The following DGKB variants were observed in gnomAD, a reference collection of about 807,000 sequenced individuals.
The protein encoded by DGKB is diacylglycerol kinase beta, also known as 90 kDa diacylglycerol kinase.
Under a neutral mutation model 114.3 loss-of-function variants are expected in DGKB, and 67 were observed. The ratio of observed to expected loss-of-function variants is 0.59; its 90% CI spans 0.48 to 0.72. The LOEUF is 0.72. Ranked by LOEUF, DGKB falls within the 30% of genes least tolerant of loss-of-function variation. The pLI, the probability that DGKB is intolerant of heterozygous loss-of-function variation, is 0.00. For synonymous variants in DGKB, 398 were observed against 323.1 expected (o/e 1.23, Z -2.49); for missense variants, 907 against 975.2 (o/e 0.93, Z 0.93).
intron 23 of DGKB, among the ~76,000 whole-genome samples, chr7:14,270,908 G>A (rs1798175637): frequency 6.6e-6 from 1 of 152,126 alleles, no homozygotes; most frequent in Non-Finnish European, 1.5e-5. Context: ...TTCAAGAAGA[G>A]AGAAAACTTA....
intron 1 of DGKB, among the ~76,000 whole-genome samples, chr7:14,926,832 C>G (rs1784776400): frequency 6.6e-6 from 1 of 151,888 alleles, no homozygotes; most frequent in Admixed American, 6.6e-5. Context: ...TTTCAGCAAT[C>G]TGCTCATTTT....
chr7:14,281,120 C>T (rs931629596), intron 23 of DGKB, among the ~76,000 whole-genome samples: 6 of 146,548 alleles, frequency 4.1e-5, no homozygotes, highest in Admixed American at 2.8e-4. Context: ...AAACCCATCT[C>T]ATGTGCAGAG....
intron 1 of DGKB, among the ~76,000 whole-genome samples, chr7:14,922,870 A>T (rs1784576730): frequency 6.6e-6 from 1 of 152,206 alleles, no homozygotes; most frequent in African/African-American, 2.4e-5. Flanking sequence ...GAGAACATTG[A>T]AACATCTATT....
intron 23 of DGKB, among the ~76,000 whole-genome samples, chr7:14,306,457 T>G (rs138315463): frequency 6.6e-6 from 1 of 152,124 alleles, no homozygotes; most frequent in South Asian, 2.1e-4. Context: ...TGGTCAATAT[T>G]AATAACAATA....
chr7:14,662,230 TA>T (rs1231389156), intron 13 of DGKB, among the ~76,000 whole-genome samples: 3 of 150,208 alleles, frequency 2.0e-5, no homozygotes, highest in African/African-American at 7.3e-5. Flanking sequence ...AAAATAAAAA[TA>T]AAAAAAGAGA....
chr7:14,857,882 A>G (rs1850419837), intron 1 of DGKB, among the ~76,000 whole-genome samples: 1 of 152,104 alleles, frequency 6.6e-6, no homozygotes, highest in South Asian at 2.1e-4. Context: ...TTCATACCAC[A>G]TTCAGTTTTA....
intron 25 of DGKB, among the ~76,000 whole-genome samples, chr7:14,167,306 G>C (rs1383261197): frequency 6.6e-6 from 1 of 151,914 alleles, no homozygotes; most frequent in East Asian, 1.9e-4. Context: ...CAATGGAGGA[G>C]ACATCTTTTC....
At chr7:14,465,025 G>A (rs1345115972) in intron 21 of DGKB, among the ~76,000 whole-genome samples, 2 of 152,182 alleles carry the variant, frequency 1.3e-5, no homozygotes, top group African/African-American at 4.8e-5. Context: ...AAAACTTGGT[G>A]AAGATGCTGT....
chr7:14,727,782 G>A (rs569918672), intron 5 of DGKB, among the ~76,000 whole-genome samples: 2 of 152,216 alleles, frequency 1.3e-5, no homozygotes, highest in Admixed American at 1.3e-4. Context: ...TAAAAGACCT[G>A]TTAAGGTACA....
intron 13 of DGKB, among the ~76,000 whole-genome samples, chr7:14,644,846 C>G (rs1265068976): frequency 6.6e-6 from 1 of 152,100 alleles, no homozygotes; most frequent in African/African-American, 2.4e-5. Flanking sequence ...AGATACAGGA[C>G]ACTCAATAAT....
rs560527420 is a variant in DGKB at position 14,939,562 on chromosome 7, A to C, written c.-188+35134T>G. Among the ~76,000 whole-genome samples, 108 of 152,156 alleles carry C rather than the reference A, an allele frequency of 7.1e-4. 1 individual carries two copies. Among genetic ancestry groups the C allele is most frequent in the African/African-American group, 2.5e-3 (103 of 41,496 alleles). ...TTCCCTGCCATTTTTAGAAGTTTAA[A>C]ACATACTTGAGGAAATAGAGCACAA... On this transcript the variant is annotated intron_variant, in intron 1 of 4. Coordinates refer to the DGKB transcript ENST00000437998.
chr7:14,238,032 T>G (rs1793068101), intron 23 of DGKB, among the ~76,000 whole-genome samples: 1 of 152,080 alleles, frequency 6.6e-6, no homozygotes, highest in Non-Finnish European at 1.5e-5. Context: ...TTCCTATATA[T>G]ACACCCATAT....
chr7:14,455,006 G>A (rs1173798626), intron 21 of DGKB, among the ~76,000 whole-genome samples: 4 of 151,990 alleles, frequency 2.6e-5, no homozygotes, highest in East Asian at 3.9e-4. Context: ...AGATAGAACC[G>A]AAGGTTTGTC....
chr7:14,694,738 T>A (rs1454343698), intron 8 of DGKB, among the ~76,000 whole-genome samples: 1 of 56,562 alleles, frequency 1.8e-5, no homozygotes, highest in African/African-American at 3.7e-5. Flanking sequence ...CAGTGTTTGT[T>A]TGCAATACAT....
At chr7:14,231,073 T>C (rs1358356052) in intron 23 of DGKB, among the ~76,000 whole-genome samples, 1 of 150,732 alleles carries the variant, frequency 6.6e-6, no homozygotes, top group East Asian at 2.0e-4. Flanking sequence ...AAAAATTCTT[T>C]CTTCTTTCCC....
chr7:14,873,697 T>C (rs1411078182), intron 1 of DGKB, among the ~76,000 whole-genome samples: 2 of 151,998 alleles, frequency 1.3e-5, no homozygotes, highest in African/African-American at 4.8e-5. Context: ...AATATGTACA[T>C]ACACAACAAT....
chr7:14,838,070 C>G (rs1412503442), intron 2 of DGKB, among the ~76,000 whole-genome samples: 1 of 152,090 alleles, frequency 6.6e-6, no homozygotes, highest in African/African-American at 2.4e-5. Flanking sequence ...AACCATTGAT[C>G]TTTGTCTCAG....
At chr7:14,696,025 C>T (rs1206493676) in intron 8 of DGKB, among the ~76,000 whole-genome samples, 2 of 152,110 alleles carry the variant, frequency 1.3e-5, no homozygotes, top group Admixed American at 6.5e-5. Flanking sequence ...CTTGTATTCT[C>T]CATTCAATAA....
intron 25 of DGKB, among the ~76,000 whole-genome samples, chr7:14,160,526 G>A (rs1262344710): frequency 6.6e-6 from 1 of 152,122 alleles, no homozygotes; most frequent in Non-Finnish European, 1.5e-5. Context: ...GCTACAAAGA[G>A]AATAAAATAC....
Sources: gnomAD v4.1 joint callset for allele counts (sites outside exome capture counted in the v4.1 genomes callset) on GRCh38, gnomAD v4.1.1 for gene constraint, MANE v1.5 for transcripts, NCBI Gene and HGNC (gene_info 2026-07-23, HGNC 2026-07-21) for gene names.